Variants in SHC3 observed in about 807,000 individuals in gnomAD.
SHC3 encodes the protein SHC adaptor protein 3, also known as SHC-transforming protein 3.
A neutral mutation model predicts 60.4 loss-of-function variants in SHC3; 15 were observed. That is an observed-to-expected ratio of 0.25 (90% CI 0.17 to 0.38). SHC3 has a LOEUF of 0.38. Among genes scored for constraint, SHC3 ranks in the 10% least tolerant of loss-of-function variants. The probability of loss-of-function intolerance (pLI) is 1.00; values close to 1 mark genes in which losing one functional copy is unlikely to be tolerated. For missense variants in SHC3, 677 were observed against 786.1 expected, an observed-to-expected ratio of 0.86 and a Z score of 1.66; for synonymous variants, 294 against 325.9, an observed-to-expected ratio of 0.90 and a Z score of 1.05.
At chr9:89,137,970 G>C (rs1040679431) in intron 1 of SHC3, among the ~76,000 whole-genome samples, 2 of 152,222 alleles carry the variant, frequency 1.3e-5, no homozygotes, top group African/African-American at 4.8e-5. Context: ...CTATGAGTCT[G>C]TGCAGGCTGC....
intron 1 of SHC3, among the ~76,000 whole-genome samples, chr9:89,123,189 G>T (rs1326145551): frequency 6.6e-6 from 1 of 152,142 alleles, no homozygotes; most frequent in Non-Finnish European, 1.5e-5. Flanking sequence ...TGGTCCTGTG[G>T]TTATACTTCT....
chr9:89,042,292 T>G, intron 9 of SHC3, 108 bp from the exon 10 acceptor site: 1 of 1,225,008 alleles, frequency 8.2e-7, no homozygotes, highest in Non-Finnish European at 1.1e-6. Context: ...ACCTCCTCCT[T>G]CGGATTCCTA....
intron 2 of SHC3, among the ~76,000 whole-genome samples, chr9:89,084,088 C>G (rs1179080201): frequency 1.3e-5 from 2 of 152,178 alleles, no homozygotes; most frequent in East Asian, 3.8e-4. Context: ...TTTAAAAAGT[C>G]ATTTGACCAA....
chr9:89,130,486 T>G (rs1826228437), intron 1 of SHC3, among the ~76,000 whole-genome samples: 1 of 152,180 alleles, frequency 6.6e-6, no homozygotes, highest in African/African-American at 2.4e-5. Flanking sequence ...CACATTGCAC[T>G]TATTCCAAAA....
rs117096256 is a variant in SHC3, at chr9:89,037,598, C to T, written c.1656+395G>A. The T allele has an allele frequency of 6.5e-3, 4,584 of 701,134 alleles. 26 individuals are homozygous for T. The highest frequency in any genetic ancestry group is 9.8e-3 in the Non-Finnish European group (3,737 of 380,740). 43.4% of individuals were successfully genotyped at this position (701,134 alleles called of 1,614,324 possible). ...ATCATCACATTTTACAGCCTTAGAA[C>T]AAAATCCTCAGTGATTCAACTTTTC... On this transcript the variant is annotated intron_variant, in intron 11 of 11. Coordinates refer to ENST00000375835, the MANE Select transcript of SHC3 (RefSeq NM_016848.6).
chr9:89,130,858 A>C (rs1157660563), intron 1 of SHC3, among the ~76,000 whole-genome samples: 1 of 152,160 alleles, frequency 6.6e-6, no homozygotes, highest in Non-Finnish European at 1.5e-5. Flanking sequence ...CTAGAGAAGC[A>C]AGAGCAAACA....
intron 2 of SHC3, among the ~76,000 whole-genome samples, chr9:89,111,041 C>T (rs1173629925): frequency 1.3e-5 from 2 of 152,150 alleles, no homozygotes; most frequent in African/African-American, 4.8e-5. Flanking sequence ...CCCTCAAATG[C>T]CCCTCAATCA....
intron 11 of SHC3, among the ~76,000 whole-genome samples, chr9:89,014,637 C>G (rs1826065753): frequency 2.0e-5 from 3 of 152,136 alleles, no homozygotes; most frequent in African/African-American, 7.2e-5. Context: ...CCTCGCCCTC[C>G]TGCAGGGACT....
rs761697069 is a variant in SHC3 at position 89,045,737 on chromosome 9, G to A, written c.1201+9C>T. The A allele has an allele frequency of 6.2e-7, 1 of 1,613,200 alleles. No individual in the cohort carries two copies. Among genetic ancestry groups the A allele is most frequent in the Non-Finnish European group, 8.5e-7 (1 of 1,179,510 alleles). On this transcript the variant is annotated intron_variant, in intron 9 of 11. Coordinates refer to ENST00000375835, the MANE Select transcript of SHC3 (RefSeq NM_016848.6). ...TTGTGTTTCTCACCCATCTCACCTT[G>A]CCTCTCACCTTGCCTTAAAGGTGTT...
At chr9:89,035,764 C>G (rs151122018) in intron 11 of SHC3, among the ~76,000 whole-genome samples, 1 of 150,654 alleles carries the variant, frequency 6.6e-6, no homozygotes, top group African/African-American at 2.4e-5. Context: ...CAAGACCAGA[C>G]TGGCCAATAT....
At chr9:89,038,816 G>A (rs1248185811) in intron 10 of SHC3, among the ~76,000 whole-genome samples, 1 of 152,236 alleles carries the variant, frequency 6.6e-6, no homozygotes, top group South Asian at 2.1e-4. Flanking sequence ...AAGCTGACGG[G>A]TGTTGGGTTC....
intron 1 of SHC3, among the ~76,000 whole-genome samples, chr9:89,177,419 A>G (rs1258959556): frequency 3.9e-5 from 6 of 152,202 alleles, no homozygotes; most frequent in African/African-American, 1.4e-4. Context: ...ATGAAAGACA[A>G]ACCCCAAGAA....
intron 5 of SHC3, among the ~76,000 whole-genome samples, chr9:89,068,293 T>C (rs1825215541): frequency 6.6e-6 from 1 of 152,168 alleles, no homozygotes; most frequent in Non-Finnish European, 1.5e-5. Context: ...CAGCATGCCG[T>C]TTTTAGAGAG....
chr9:89,174,344 G>A (rs1587771445), intron 1 of SHC3, among the ~76,000 whole-genome samples: 1 of 152,344 alleles, frequency 6.6e-6, no homozygotes, highest in East Asian at 1.9e-4. Flanking sequence ...AGCATATCAG[G>A]AAGGGTCCAG....
chr9:89,040,168 TCA>T (rs1824656344), intron 10 of SHC3, among the ~76,000 whole-genome samples: 3 of 14,914 alleles, frequency 2.0e-4, no homozygotes, highest in Admixed American at 6.0e-4. Flanking sequence ...ATCACCATCA[TCA>T]TCACTATCAA....
chr9:89,048,853 C>A (rs1216858847), intron 7 of SHC3, among the ~76,000 whole-genome samples: 1 of 152,114 alleles, frequency 6.6e-6, no homozygotes, highest in Non-Finnish European at 1.5e-5. Flanking sequence ...TCACCCCGCT[C>A]TCGGATAGTA....
chr9:89,153,671 G>T (rs1012069340), intron 1 of SHC3, among the ~76,000 whole-genome samples: 1 of 152,234 alleles, frequency 6.6e-6, no homozygotes, highest in Middle Eastern at 3.2e-3. Context: ...GGCAAGAACG[G>T]TGCCACGACA....
intron 11 of SHC3, among the ~76,000 whole-genome samples, chr9:89,035,187 T>C (rs1824551181): frequency 6.6e-6 from 1 of 152,164 alleles, no homozygotes; most frequent in Non-Finnish European, 1.5e-5. Flanking sequence ...TCAAACTGTC[T>C]TTTTCTCAAT....
At chr9:89,098,981 A>AATT (rs1564142041) in intron 2 of SHC3, among the ~76,000 whole-genome samples, 12 of 152,038 alleles carry the variant, frequency 7.9e-5, no homozygotes, top group African/African-American at 2.9e-4. Flanking sequence ...CAAAATAAAT[A>AATT]AATAAATTAA....
Sources: gnomAD v4.1 joint callset for allele counts (sites outside exome capture counted in the v4.1 genomes callset) on GRCh38, gnomAD v4.1.1 for gene constraint, MANE v1.5 for transcripts, NCBI Gene and HGNC (gene_info 2026-07-23, HGNC 2026-07-21) for gene names.